Variants in LRMDA observed in about 807,000 individuals in gnomAD.
LRMDA encodes the protein leucine-rich melanocyte differentiation-associated protein.
A neutral mutation model predicts 29.8 loss-of-function variants in LRMDA; 18 were observed. That is an observed-to-expected ratio of 0.60 (90% CI 0.42 to 0.90). The LOEUF (loss-of-function observed/expected upper bound fraction) is 0.90. Among genes scored for constraint, LRMDA ranks in the 40% least tolerant of loss-of-function variants. The probability of loss-of-function intolerance (pLI) is 0.00; values close to 1 mark genes in which losing one functional copy is unlikely to be tolerated. For missense variants in LRMDA, 273 were observed against 273.9 expected (o/e 1.00, Z 0.02); for synonymous variants, 125 against 109.4 (o/e 1.14, Z -0.89).
intron 6 of LRMDA, among the ~76,000 whole-genome samples, chr10:76,356,309 T>C (rs1319049922): frequency 6.6e-6 from 1 of 152,170 alleles, no homozygotes; most frequent in East Asian, 1.9e-4. Flanking sequence ...ATATCAGGCA[T>C]GGAGGCACAG....
intron 6 of LRMDA, among the ~76,000 whole-genome samples, chr10:76,397,416 T>G (rs1841797800): frequency 6.6e-6 from 1 of 152,222 alleles, no homozygotes; most frequent in Admixed American, 6.5e-5. Context: ...ACTTTGCCCT[T>G]AACACTCCAT....
At chr10:76,506,474 G>A (rs760754703) in intron 6 of LRMDA, among the ~76,000 whole-genome samples, 24 of 152,068 alleles carry the variant, frequency 1.6e-4, no homozygotes, top group Non-Finnish European at 2.2e-4. Flanking sequence ...AGGCTGGGGC[G>A]ACAAGATGGT....
chr10:75,860,503 G>A (rs878980425), intron 2 of LRMDA, among the ~76,000 whole-genome samples: 3 of 151,730 alleles, frequency 2.0e-5, no homozygotes, highest in Non-Finnish European at 4.4e-5. Context: ...TGTATTTTTG[G>A]TAGAGACAGG....
intron 2 of LRMDA, among the ~76,000 whole-genome samples, chr10:75,761,453 G>A (rs759669656): frequency 3.0e-4 from 45 of 152,300 alleles, no homozygotes; most frequent in Non-Finnish European, 6.6e-4. Flanking sequence ...AATACTATCT[G>A]ATTCCACTTA....
intron 6 of LRMDA, among the ~76,000 whole-genome samples, chr10:76,358,298 A>C (rs1841267351): frequency 6.6e-6 from 1 of 152,234 alleles, no homozygotes; most frequent in Non-Finnish European, 1.5e-5. Context: ...GATTTATAAA[A>C]GAATACAGAA....
intron 2 of LRMDA, among the ~76,000 whole-genome samples, chr10:75,702,428 A>C (rs1389798701): frequency 6.6e-5 from 10 of 152,172 alleles, no homozygotes; most frequent in African/African-American, 2.4e-4. Flanking sequence ...AGTTCATCAG[A>C]GAGGCTGTGG....
chr10:75,538,056 C>T (rs541593592), intron 2 of LRMDA, among the ~76,000 whole-genome samples: 1 of 152,330 alleles, frequency 6.6e-6, no homozygotes, highest in East Asian at 1.9e-4. Flanking sequence ...TGTGTTCCTG[C>T]TCCACCACAG....
At chr10:75,913,377 A>C (rs113612268) in intron 2 of LRMDA, among the ~76,000 whole-genome samples, 2,864 of 152,178 alleles carry the variant, frequency 0.019, 90 homozygotes, top group African/African-American at 0.065. Flanking sequence ...GAATCGCTTG[A>C]ACCAAGAGGC....
chr10:75,836,924 T>A (rs1436486648), intron 2 of LRMDA, among the ~76,000 whole-genome samples: 1 of 152,186 alleles, frequency 6.6e-6, no homozygotes, highest in Admixed American at 6.5e-5. Context: ...CATCTTTGCA[T>A]CTCTCATAGT....
At chr10:75,560,772 T>C (rs905989087) in intron 2 of LRMDA, among the ~76,000 whole-genome samples, 61 of 152,066 alleles carry the variant, frequency 4.0e-4, no homozygotes, top group Non-Finnish European at 4.4e-4. Flanking sequence ...AAAGGCCTTT[T>C]CTGCATCTAT....
At position 76,177,177 on chromosome 10, in the gene LRMDA, G is replaced by A. The variant is rs141247701; in HGVS notation, c.516+118394G>A. 3.4e-3 allele frequency among the ~76,000 whole-genome samples: 525 copies of A among 152,186 alleles called. 4 individuals carry two copies. The highest frequency in any genetic ancestry group is 0.012 in the African/African-American group (506 of 41,518). ...CATCCCAGCAGCACGCTTTTTAATCGGAGAAGAATTTCTCTACCTGCCAAG... is the reference window on the plus strand; with the variant it reads ...CATCCCAGCAGCACGCTTTTTAATCAGAGAAGAATTTCTCTACCTGCCAAG... On this transcript the variant is annotated intron_variant, in intron 5 of 6. Coordinates refer to ENST00000611255, the MANE Select transcript of LRMDA (RefSeq NM_001305581.2).
chr10:76,148,402 TC>T (rs1462128989), intron 5 of LRMDA, among the ~76,000 whole-genome samples: 2 of 152,040 alleles, frequency 1.3e-5, no homozygotes, highest in Non-Finnish European at 2.9e-5. Context: ...CGGGAACCCC[TC>T]CCCCAACCTC....
chr10:75,927,641 A>C (rs1018884256), intron 2 of LRMDA, among the ~76,000 whole-genome samples: 1 of 152,214 alleles, frequency 6.6e-6, no homozygotes, highest in Admixed American at 6.5e-5. Flanking sequence ...CCAAAATGAG[A>C]CTGTAATCAA....
chr10:76,220,805 AG>A (rs1328178873), intron 5 of LRMDA, among the ~76,000 whole-genome samples: 1 of 152,228 alleles, frequency 6.6e-6, no homozygotes, highest in Non-Finnish European at 1.5e-5. Flanking sequence ...AAAGCCGAGC[AG>A]AGACACAACC....
intron 2 of LRMDA, among the ~76,000 whole-genome samples, chr10:75,981,348 A>G (rs1847166904): frequency 6.6e-6 from 1 of 152,204 alleles, no homozygotes; most frequent in Admixed American, 6.5e-5. Flanking sequence ...GGCACCGTGG[A>G]GTATTGCTGA....
rs953916800 is a variant in LRMDA, at chr10:75,431,713, G to C, written c.-12G>C. The C allele has an allele frequency of 7.4e-6, 10 of 1,347,662 alleles. No individual in the cohort carries two copies. In the African/African-American group the frequency reaches 1.4e-4, roughly 18 times the overall value. 83.5% of individuals were successfully genotyped at this position (1,347,662 alleles called of 1,614,324 possible). On this transcript the variant is annotated 5_prime_UTR_variant, in exon 1 of 7. Transcript: ENST00000611255. ...GCGCTCCGTCCCGCGCGCCCGCAGC[G>C]TCCTGGCCGCCATGGCCGGGCTCGT...
chr10:76,533,134 G>GGAGAGCGAGAGCGAGAGC (rs200548501), intron 6 of LRMDA, among the ~76,000 whole-genome samples: 4 of 140,950 alleles, frequency 2.8e-5, no homozygotes, highest in African/African-American at 9.9e-5. Context: ...ACTTGTAGAT[G>GGAGAGCGAGAGCGAGAGC]GAGAGCGAGA....
chr10:76,283,981 G>A (rs1401740328), intron 5 of LRMDA, among the ~76,000 whole-genome samples: 2 of 152,116 alleles, frequency 1.3e-5, no homozygotes, highest in East Asian at 1.9e-4. Context: ...TTTTACTGCT[G>A]TTAGACAGAG....
At chr10:76,087,362 G>T (rs1304695750) in intron 5 of LRMDA, among the ~76,000 whole-genome samples, 1 of 152,168 alleles carries the variant, frequency 6.6e-6, no homozygotes, top group African/African-American at 2.4e-5. Flanking sequence ...AGTGGGGACT[G>T]GGTTATCTCT....
Sources: allele counts gnomAD v4.1 joint callset (sites outside exome capture counted in the v4.1 genomes callset), GRCh38; gene constraint gnomAD v4.1.1; transcripts MANE v1.5; gene names NCBI Gene and HGNC (gene_info 2026-07-23, HGNC 2026-07-21).